ACAD10: variants seen among roughly 807,000 people sequenced by gnomAD.
ACAD10 encodes ACAD-10.
Under a neutral mutation model 116.8 loss-of-function variants are expected in ACAD10, and 112 were observed. The observed-to-expected ratio is 0.96, with a 90% confidence interval of 0.82 to 1.12. The LOEUF (loss-of-function observed/expected upper bound fraction) is 1.12. Among genes scored for constraint, ACAD10 ranks in the 50% most tolerant of loss-of-function variants. ACAD10 has a pLI of 0.00. For synonymous variants in ACAD10, 486 were observed against 510.6 expected, an observed-to-expected ratio of 0.95 and a Z score of 0.65; for missense variants, 1,259 against 1,350.2, an observed-to-expected ratio of 0.93 and a Z score of 1.06.
At chr12:111,728,502 G>A (rs941441425) in intron 9 of ACAD10, among the ~76,000 whole-genome samples, 6 of 150,278 alleles carry the variant, frequency 4.0e-5, no homozygotes, top group Non-Finnish European at 5.9e-5. Flanking sequence ...ATTTTTCTCC[G>A]TTTTTTACCC....
intron 8 of ACAD10, among the ~76,000 whole-genome samples, chr12:111,722,437 G>T (rs1889041922): frequency 6.6e-6 from 1 of 151,752 alleles, no homozygotes; most frequent in South Asian, 2.1e-4. Flanking sequence ...CTCACAGAGG[G>T]GGATTTGGCT....
At chr12:111,690,535 A>G (rs1888008599) in intron 1 of ACAD10, 2 of 152,056 alleles carry the variant, frequency 1.3e-5, no homozygotes, top group Admixed American at 1.3e-4. Flanking sequence ...CTGTAATTCC[A>G]GCACTTTGGG....
intron 13 of ACAD10, 129 bp downstream of exon 13, chr12:111,745,172 C>T (rs1889856809): frequency 1.8e-6 from 2 of 1,082,354 alleles, no homozygotes; most frequent in Non-Finnish European, 2.6e-6. Flanking sequence ...TCTTTGCTTC[C>T]ATCGTCTCAG....
rs767894467 is a variant in ACAD10 at position 111,756,423 on chromosome 12, G to A, written c.3130G>A (p.Glu1044Lys). The A allele has an allele frequency of 9.1e-5, 147 of 1,612,648 alleles. No individual in the cohort carries two copies. The highest frequency in any genetic ancestry group is 7.6e-4 in the South Asian group (69 of 90,930). ...CCTGCGCTTTGCCGACGGCCCTGACGAGGTGCACCGGGCCACGGTGGCCAA... is the reference window on the plus strand; with the variant it reads ...CCTGCGCTTTGCCGACGGCCCTGACAAGGTGCACCGGGCCACGGTGGCCAA... ...RALRFADGPD[E>K]VHRATVAKLE... The change falls in exon 21 of 21, where the codon GAG becomes AAG. Residue 1044 changes from glutamate (E) to lysine (K), a missense_variant. By Grantham distance (56) the Glu-to-Lys change is moderately conservative. Transcript: ENST00000313698.
At position 111,756,440 on chromosome 12, in the gene ACAD10, G is replaced by A. The variant is rs532624949; in HGVS notation, c.3147G>A (p.Thr1049=). The A allele has an allele frequency of 1.5e-5, 24 of 1,612,718 alleles. No homozygotes were observed. Among genetic ancestry groups the A allele is most frequent in the Admixed American group, 5.0e-5 (3 of 59,758 alleles). The change falls in exon 21 of 21, where the codon ACG becomes ACA. Residue 1049 remains threonine, a synonymous_variant. Coordinates refer to ENST00000313698, the MANE Select transcript of ACAD10 (RefSeq NM_025247.6). Reference sequence around the variant, plus strand: ...GCCCTGACGAGGTGCACCGGGCCACGGTGGCCAAGCTAGAGCTGAAGCACC... The same window carrying A: ...GCCCTGACGAGGTGCACCGGGCCACAGTGGCCAAGCTAGAGCTGAAGCACC... The part of the protein sequence containing the change: ...ADGPDEVHRA[T]VAKLELKHRI
intron 10 of ACAD10, among the ~76,000 whole-genome samples, chr12:111,731,425 G>A (rs888364404): frequency 6.6e-6 from 1 of 152,224 alleles, no homozygotes; most frequent in Admixed American, 6.5e-5. Flanking sequence ...CCATTGCCAT[G>A]TATTTCCTTT....
At position 111,738,014 on chromosome 12, in the gene ACAD10, G is replaced by A. The variant is rs561032565; in HGVS notation, c.1714+1010G>A. On this transcript the variant is annotated intron_variant, in intron 12 of 20. Coordinates refer to ENST00000313698, the MANE Select transcript of ACAD10 (RefSeq NM_025247.6). The stretch of plus-strand genomic sequence containing the variant: ...ATTATAGGCACATACCACCATACCC[G>A]CGTCATTTTTTTGTTTGTTTTTAGT... Among the ~76,000 whole-genome samples, 8 of 152,032 alleles carry A rather than the reference G, an allele frequency of 5.3e-5. No homozygotes were observed. In the South Asian group the frequency reaches 8.3e-4, roughly 16 times the overall value.
intron 12 of ACAD10, among the ~76,000 whole-genome samples, chr12:111,744,161 G>A (rs1391712419): frequency 1.3e-5 from 2 of 152,184 alleles, no homozygotes; most frequent in Non-Finnish European, 2.9e-5. Flanking sequence ...TGATGCTGGT[G>A]TTGATTCCCT....
At chr12:111,705,303 GC>G (rs1352388029) in intron 3 of ACAD10, among the ~76,000 whole-genome samples, 5 of 152,066 alleles carry the variant, frequency 3.3e-5, no homozygotes, top group Non-Finnish European at 7.4e-5. Flanking sequence ...ATAGCTCACT[GC>G]AGCTCCAATC....
chr12:111,702,412 C>T (rs1192191727), intron 3 of ACAD10, 102 bp downstream of exon 3: 26 of 1,434,760 alleles, frequency 1.8e-5, no homozygotes, highest in Non-Finnish European at 2.5e-5. Context: ...TAAAGTGAAA[C>T]CTAATAACCC....
intron 5 of ACAD10, chr12:111,710,476 G>A: frequency 4.0e-6 from 1 of 251,064 alleles, no homozygotes; most frequent in Non-Finnish European, 8.0e-6. Flanking sequence ...CTTTCTTCTT[G>A]GCACAAGAGG....
chr12:111,701,209 T>C (rs974555221), intron 2 of ACAD10, among the ~76,000 whole-genome samples: 4 of 152,226 alleles, frequency 2.6e-5, no homozygotes, highest in African/African-American at 9.6e-5. Flanking sequence ...TATATAATTA[T>C]GAATGTTGTA....
Position 111,736,901 on chromosome 12 carries a change from C to T in ACAD10, c.1611C>T (p.Leu537=), listed in dbSNP as rs545996381. 42 of 1,614,192 alleles carry T rather than the reference C, an allele frequency of 2.6e-5. No individual in the cohort carries two copies. Among genetic ancestry groups the T allele is most frequent in the Admixed American group, 1.7e-5 (1 of 60,012 alleles). The change falls in exon 12 of 21, where the codon CTC becomes CTT. Residue 537 remains leucine, a synonymous_variant. Coordinates refer to ENST00000313698, the MANE Select transcript of ACAD10 (RefSeq NM_025247.6). ...AAEEYFRMYC[L]QMGLPPTENW... Reference sequence around the variant, plus strand: ...AGGAGTATTTCAGGATGTACTGTCTCCAAATGGGGCTCCCTCCCACTGAGA... The same window carrying T: ...AGGAGTATTTCAGGATGTACTGTCTTCAAATGGGGCTCCCTCCCACTGAGA...
Position 111,723,464 on chromosome 12 carries a change from G to A in ACAD10, c.1061+1725G>A, listed in dbSNP as rs1889100741. 2.2e-5 allele frequency among the ~76,000 whole-genome samples: 3 copies of A among 137,658 alleles called. No homozygotes were observed. The South Asian group carries it at 6.9e-4, about 32-fold the overall frequency. 90.3% of individuals were successfully genotyped at this position (137,658 alleles called of 152,430 possible). ...CTGGACGGGGCAGCTGGCCGGGCGG[G>A]GGGCTGACCCCCCCGCCTCCCTCCC... On this transcript the variant is annotated intron_variant, in intron 8 of 20. Transcript: ENST00000313698.
At chr12:111,712,372 C>A in intron 5 of ACAD10, 126 bp from the exon 6 acceptor site, 1 of 859,064 alleles carries the variant, frequency 1.2e-6, no homozygotes, top group Non-Finnish European at 1.7e-6. Context: ...ATATTCTCTG[C>A]ACCTGTACTA....
At chr12:111,736,654 C>G (rs1889572458) in intron 11 of ACAD10, among the ~76,000 whole-genome samples, 177 bp from the exon 12 acceptor site, 1 of 152,202 alleles carries the variant, frequency 6.6e-6, no homozygotes, top group Non-Finnish European at 1.5e-5. Context: ...TGACTTCATG[C>G]CTGGATCCCC....
chr12:111,749,541 C>G, intron 18 of ACAD10, 196 bp downstream of exon 18: 1 of 725,638 alleles, frequency 1.4e-6, no homozygotes, highest in African/African-American at 1.8e-5. Context: ...CAGAATGGAC[C>G]CCACTCTGTC....
intron 1 of ACAD10, among the ~76,000 whole-genome samples, chr12:111,692,176 C>A (rs1198467472): frequency 6.6e-6 from 1 of 152,174 alleles, no homozygotes; most frequent in African/African-American, 2.4e-5. Flanking sequence ...CCATGTTGGT[C>A]AGGCTGGTCT....
intron 3 of ACAD10, among the ~76,000 whole-genome samples, chr12:111,703,023 TC>T (rs1888394284): frequency 6.7e-6 from 1 of 149,704 alleles, no homozygotes; most frequent in South Asian, 2.1e-4. Context: ...GATTGAAACT[TC>T]AGTGAACCAT....
Sources: gnomAD v4.1 joint callset for allele counts (sites outside exome capture counted in the v4.1 genomes callset) on GRCh38, gnomAD v4.1.1 for gene constraint, MANE v1.5 for transcripts, NCBI Gene and HGNC (gene_info 2026-07-23, HGNC 2026-07-21) for gene names.